PCYT1B: variants seen among roughly 807,000 people sequenced by gnomAD.
The protein encoded by PCYT1B is choline-phosphate cytidylyltransferase B.
PCYT1B carries 10 observed loss-of-function variants against 26.4 expected under a neutral mutation model. The observed-to-expected ratio is 0.38, with a 90% confidence interval of 0.23 to 0.64. PCYT1B has a LOEUF of 0.64. Among genes scored for constraint, PCYT1B ranks in the 30% least tolerant of loss-of-function variants. The probability of loss-of-function intolerance (pLI) is 0.56; values close to 1 mark genes in which losing one functional copy is unlikely to be tolerated. For synonymous variants in PCYT1B, 131 were observed against 108.4 expected (o/e 1.21, Z -1.29); for missense variants, 161 against 292.7 (o/e 0.55, Z 3.28).
Position 24,579,427 on chromosome X carries a change from G to A in PCYT1B, c.597C>T (p.Gly199=). 1.7e-5 allele frequency: 20 copies of A among 1,209,900 alleles called. No individual in the cohort carries two copies. The highest frequency in any genetic ancestry group is 2.2e-5 in the Non-Finnish European group (20 of 894,040). ...GMFVPTQRTE[G]ISTSDIITRI... ...TGGTAATGATGTCCGATGTTGAGAT[G>A]CCTTCTGTTCTCTGCGTTGGAACGA... Residue 199 remains glycine (G), a synonymous_variant, in exon 6 of 8, where the codon GGC becomes GGT. Coordinates refer to ENST00000379144, the MANE Select transcript of PCYT1B (RefSeq NM_004845.5).
At chrX:24,567,947 T>C (rs1923688745) in intron 7 of PCYT1B, among the ~76,000 whole-genome samples, 1 of 111,041 alleles carries the variant, frequency 9.0e-6, no homozygotes, top group Non-Finnish European at 1.9e-5. Context: ...AGACTCCATC[T>C]CAAAAAAACA....
intron 1 of PCYT1B, among the ~76,000 whole-genome samples, chrX:24,657,840 G>T (rs1926954754): frequency 8.9e-6 from 1 of 112,032 alleles, no homozygotes; most frequent in Admixed American, 9.5e-5. Flanking sequence ...CTCCTTCTAG[G>T]ATGAATTTTC....
At chrX:24,646,646 G>A (rs1926635132) in intron 1 of PCYT1B, among the ~76,000 whole-genome samples, 1 of 110,883 alleles carries the variant, frequency 9.0e-6, no homozygotes, top group East Asian at 2.8e-4. Context: ...TCCCGAGCTT[G>A]GTAAAGAGAA....
intron 7 of PCYT1B, among the ~76,000 whole-genome samples, chrX:24,567,506 C>T (rs189047500): frequency 8.9e-6 from 1 of 111,861 alleles, no homozygotes; most frequent in Admixed American, 9.5e-5. Context: ...ATGGCATTTT[C>T]CAAGAGTAAA....
chrX:24,600,284 C>T (rs1460051866), intron 3 of PCYT1B, among the ~76,000 whole-genome samples: 4 of 111,277 alleles, frequency 3.6e-5, no homozygotes, highest in African/African-American at 9.8e-5. Context: ...AGTGGCCACT[C>T]GGTCCTGACA....
At chrX:24,609,764 G>T (rs147157180) in intron 2 of PCYT1B, among the ~76,000 whole-genome samples, 10 of 111,298 alleles carry the variant, frequency 9.0e-5, no homozygotes, top group Non-Finnish European at 1.9e-4. Flanking sequence ...GAAAGGGACC[G>T]CTAGTTTTCT....
At chrX:24,630,980 T>C (rs1926065285) in intron 1 of PCYT1B, among the ~76,000 whole-genome samples, 1 of 111,497 alleles carries the variant, frequency 9.0e-6, no homozygotes, top group Admixed American at 9.5e-5. Flanking sequence ...TGGAGTGCAG[T>C]GGCGCGATCT....
chrX:24,601,495 A>G (rs1317438049), intron 3 of PCYT1B, among the ~76,000 whole-genome samples: 1 of 92,956 alleles, frequency 1.1e-5, no homozygotes, highest in African/African-American at 5.8e-5. Flanking sequence ...TCTTTCTCGA[A>G]AAAAAAAAAA....
In PCYT1B at chrX:24,598,474, GAT is replaced by G. The variant is rs200699242; in HGVS notation, c.335-8302_335-8301del. Among the ~76,000 whole-genome samples, 257 of 105,457 alleles carry G rather than the reference GAT, an allele frequency of 2.4e-3. No homozygotes were observed. The Middle Eastern group carries it at 0.024, about 10-fold the overall frequency. 91.6% of individuals were successfully genotyped at this position (105,457 alleles called of 115,157 possible). On this transcript the variant is annotated intron_variant, in intron 3 of 7. Transcript: ENST00000379144. ...TCCCAAAAGGCAAACACTAGAATTT[GAT>G]ATATATATACACACACACACACACA...
intron 1 of PCYT1B, among the ~76,000 whole-genome samples, chrX:24,652,999 C>T (rs1259955831): frequency 2.7e-5 from 3 of 111,122 alleles, no homozygotes; most frequent in East Asian, 2.8e-4. Context: ...GCAGTAGAAT[C>T]GCTTGAACCC....
At chrX:24,606,750 C>T (rs748842349) in intron 3 of PCYT1B, among the ~76,000 whole-genome samples, 32 of 111,502 alleles carry the variant, frequency 2.9e-4, no homozygotes, top group African/African-American at 9.4e-4. Flanking sequence ...GCCTGTAATC[C>T]CAGCTATGCA....
chrX:24,576,557 G>A (rs926151120), intron 6 of PCYT1B, among the ~76,000 whole-genome samples: 2 of 111,274 alleles, frequency 1.8e-5, no homozygotes, highest in African/African-American at 3.3e-5. Context: ...CACTCGCCTC[G>A]GCCTTCCAAA....
At chrX:24,667,216 G>A (rs1027622068) in intron 1 of PCYT1B, among the ~76,000 whole-genome samples, 2 of 110,791 alleles carry the variant, frequency 1.8e-5, no homozygotes, top group African/African-American at 6.6e-5. Context: ...ACTATCAGCA[G>A]AGCAGCCTAT....
intron 5 of PCYT1B, among the ~76,000 whole-genome samples, chrX:24,580,580 T>C (rs1226261673): frequency 1.8e-5 from 2 of 112,007 alleles, no homozygotes; most frequent in South Asian, 7.5e-4. Context: ...GCACAGAGGA[T>C]GCCAAGTTCT....
At chrX:24,589,307 C>T (rs1924476413) in intron 4 of PCYT1B, among the ~76,000 whole-genome samples, 1 of 111,876 alleles carries the variant, frequency 8.9e-6, no homozygotes, top group Non-Finnish European at 1.9e-5. Context: ...CTTAGAACAG[C>T]TTAATCTTAT....
Position 24,647,220 on chromosome X carries a change from C to A in PCYT1B, c.-115G>T. 1 of 729,418 alleles carries A rather than the reference C, an allele frequency of 1.4e-6. No homozygotes were observed. The highest frequency in any genetic ancestry group is 1.9e-6 in the Non-Finnish European group (1 of 521,152). 60.1% of individuals were successfully genotyped at this position (729,418 alleles called of 1,213,427 possible). Reference sequence around the variant, plus strand: ...CTACCCTCCACCCATCCCCCCGCTTCTTCTCCCCTTCTTTCTGTCTTCCCT... The same window carrying A: ...CTACCCTCCACCCATCCCCCCGCTTATTCTCCCCTTCTTTCTGTCTTCCCT... On this transcript the variant is annotated 5_prime_UTR_variant, in exon 1 of 8. Coordinates refer to ENST00000379144, the MANE Select transcript of PCYT1B (RefSeq NM_004845.5).
intron 3 of PCYT1B, among the ~76,000 whole-genome samples, chrX:24,598,486 C>T (rs753501680): frequency 7.0e-4 from 75 of 107,185 alleles, no homozygotes; most frequent in South Asian, 4.0e-3. Context: ...TATATATATA[C>T]ACACACACAC....
At chrX:24,576,133 T>C (rs1243335763) in intron 6 of PCYT1B, among the ~76,000 whole-genome samples, 2 of 112,065 alleles carry the variant, frequency 1.8e-5, no homozygotes, top group African/African-American at 6.5e-5. Context: ...ATGTTGGCTG[T>C]TTCATTAGTA....
chrX:24,647,274 CCTCTCTCT>C lies in PCYT1B; in HGVS notation c.-177_-170del. The stretch of plus-strand genomic sequence containing the variant: ...GGAAGTAAAGAGGTTACCCCCCGCC[CCTCTCTCT>C]CTCTCTCTCTCCCAGAAGCCAAGAG... On this transcript the variant is annotated 5_prime_UTR_variant, in exon 1 of 8. Transcript: ENST00000379144. The C allele has an allele frequency of 1.1e-6, 1 of 905,751 alleles. No individual in the cohort carries two copies. The highest frequency in any genetic ancestry group is 1.4e-6 in the Non-Finnish European group (1 of 704,551). 74.6% of individuals were successfully genotyped at this position (905,751 alleles called of 1,213,427 possible). A position where few individuals can be genotyped will look rare whatever the true frequency, so the allele number is the denominator to read the frequency against.
Sources: allele counts gnomAD v4.1 joint callset (sites outside exome capture counted in the v4.1 genomes callset), GRCh38; gene constraint gnomAD v4.1.1; transcripts MANE v1.5; gene names NCBI Gene and HGNC (gene_info 2026-07-23, HGNC 2026-07-21).